Variants in BOLL observed in about 807,000 individuals in gnomAD.
The protein encoded by BOLL is protein boule-like.
In BOLL, 23 loss-of-function variants were observed where a neutral mutation model predicts 44.4. That is an observed-to-expected ratio of 0.52 (90% CI 0.37 to 0.73). The LOEUF (loss-of-function observed/expected upper bound fraction) is 0.73, where lower values mean the gene tolerates loss of function less well. Ranked by LOEUF, BOLL falls within the 30% of genes least tolerant of loss-of-function variation. The probability of loss-of-function intolerance (pLI) is 0.00; values close to 1 mark genes in which losing one functional copy is unlikely to be tolerated. For synonymous variants in BOLL, 97 were observed against 110.8 expected, an observed-to-expected ratio of 0.88 and a Z score of 0.78; for missense variants, 287 against 338.3, an observed-to-expected ratio of 0.85 and a Z score of 1.19.
chr2:197,758,765 A>T (rs146370054), intron 7 of BOLL, among the ~76,000 whole-genome samples: 3 of 152,322 alleles, frequency 2.0e-5, no homozygotes, highest in African/African-American at 4.8e-5. Context: ...CATAATATAT[A>T]ATAAACCACA....
intron 1 of BOLL, among the ~76,000 whole-genome samples, chr2:197,782,816 A>C (rs1306384421): frequency 1.3e-5 from 2 of 152,220 alleles, no homozygotes; most frequent in Non-Finnish European, 2.9e-5. Context: ...TGTCAATTTG[A>C]AGATTGGACT....
Position 197,743,052 on chromosome 2 carries a change from A to G in BOLL, c.828+9T>C, listed in dbSNP as rs1303788558. ...AAAACAAAGTAAAAAGTCAAAACAA[A>G]TTTCTTACTTTAATTGGCTCAGGCT... On this transcript the variant is annotated intron_variant, in intron 10 of 10. Transcript: ENST00000392296. The G allele has an allele frequency of 1.9e-6, 3 of 1,548,610 alleles. No individual in the cohort carries two copies. In the African/African-American group the frequency reaches 4.1e-5, roughly 21 times the overall value.
intron 10 of BOLL, among the ~76,000 whole-genome samples, chr2:197,729,536 G>C (rs1427008476): frequency 2.0e-5 from 3 of 152,162 alleles, no homozygotes; most frequent in Non-Finnish European, 4.4e-5. Flanking sequence ...AAAAAGATCA[G>C]TAACCTCTGC....
chr2:197,773,333 C>G (rs1264412556), intron 5 of BOLL, among the ~76,000 whole-genome samples: 1 of 151,616 alleles, frequency 6.6e-6, no homozygotes, highest in Non-Finnish European at 1.5e-5. Flanking sequence ...TCAGTGCATA[C>G]TATTTCAAGG....
chr2:197,738,684 C>T (rs1203238102), intron 10 of BOLL, among the ~76,000 whole-genome samples: 1 of 152,090 alleles, frequency 6.6e-6, no homozygotes, highest in African/African-American at 2.4e-5. Context: ...AATTAACATT[C>T]ATGAGTTGTA....
At chr2:197,758,993 A>C in intron 7 of BOLL, 1 of 1,535,956 alleles carries the variant, frequency 6.5e-7, no homozygotes, top group Non-Finnish European at 8.7e-7. Flanking sequence ...TTCTTGTATG[A>C]CATTGTTTAA....
intron 7 of BOLL, among the ~76,000 whole-genome samples, chr2:197,763,445 G>GCACACT (rs1213943681): frequency 4.2e-5 from 6 of 141,554 alleles, no homozygotes; most frequent in African/African-American, 1.6e-4. Context: ...TTGCACCACT[G>GCACACT]CACACTCCAG....
intron 9 of BOLL, among the ~76,000 whole-genome samples, chr2:197,746,091 T>G (rs1687976115): frequency 6.6e-6 from 1 of 152,172 alleles, no homozygotes; most frequent in Non-Finnish European, 1.5e-5. Flanking sequence ...AAGTAGCAAT[T>G]GCCACATCCC....
chr2:197,769,669 C>G (rs540060923), intron 6 of BOLL, among the ~76,000 whole-genome samples: 1 of 152,114 alleles, frequency 6.6e-6, no homozygotes, highest in Non-Finnish European at 1.5e-5. Flanking sequence ...GATACAAAAT[C>G]GATGTGCAAA....
chr2:197,729,360 A>G (rs1223973507), intron 10 of BOLL, among the ~76,000 whole-genome samples: 3 of 152,182 alleles, frequency 2.0e-5, no homozygotes, highest in Non-Finnish European at 4.4e-5. Context: ...TCTGAGCTCT[A>G]ACTGCAAGGC....
At chr2:197,781,060 C>T (rs542771816) in intron 2 of BOLL, among the ~76,000 whole-genome samples, 1 of 152,022 alleles carries the variant, frequency 6.6e-6, no homozygotes, top group South Asian at 2.1e-4. Context: ...TCGGGGTACA[C>T]GTGCAGATTT....
chr2:197,753,834 C>T (rs993412585), intron 9 of BOLL, among the ~76,000 whole-genome samples: 1 of 152,130 alleles, frequency 6.6e-6, no homozygotes, highest in African/African-American at 2.4e-5. Flanking sequence ...GACACATGCA[C>T]ATGTATGTTT....
At chr2:197,765,071 A>G (rs1467157355) in intron 7 of BOLL, among the ~76,000 whole-genome samples, 1 of 152,102 alleles carries the variant, frequency 6.6e-6, no homozygotes, top group Non-Finnish European at 1.5e-5. Context: ...AATTACAGCT[A>G]CCTCAGGAAT....
At chr2:197,744,361 CAA>C (rs1453822043) in intron 9 of BOLL, among the ~76,000 whole-genome samples, 2 of 151,948 alleles carry the variant, frequency 1.3e-5, no homozygotes, top group Admixed American at 6.6e-5. Context: ...TAAAGGAAAA[CAA>C]AAGGAGGTAA....
At chr2:197,778,268 T>C (rs1188003146) in intron 3 of BOLL, among the ~76,000 whole-genome samples, 1 of 151,978 alleles carries the variant, frequency 6.6e-6, no homozygotes, top group South Asian at 2.1e-4. Context: ...CCTTTTCTTA[T>C]GCCTATAAAT....
chr2:197,727,695 A>G lies in BOLL; in HGVS notation c.*860T>C, dbSNP rs937049788. ...GGTTTAAGGATTAAAGCATTCAAAG[A>G]ACAGTAATTTGGTGGAATTTCAGTC... On this transcript the variant is annotated 3_prime_UTR_variant, in exon 11 of 11. Coordinates refer to ENST00000392296, the MANE Select transcript of BOLL (RefSeq NM_033030.6). 1.3e-5 allele frequency: 2 copies of G among 152,466 alleles called. No individual in the cohort carries two copies. Among genetic ancestry groups the G allele is most frequent in the Non-Finnish European group, 2.9e-5 (2 of 68,026 alleles). 9.4% of individuals were successfully genotyped at this position (152,466 alleles called of 1,614,324 possible). A position where few individuals can be genotyped will look rare whatever the true frequency, so the allele number is the denominator to read the frequency against.
At chr2:197,748,709 C>A (rs989793983) in intron 9 of BOLL, among the ~76,000 whole-genome samples, 2 of 152,244 alleles carry the variant, frequency 1.3e-5, no homozygotes, top group African/African-American at 4.8e-5. Flanking sequence ...GGCAGGGCAT[C>A]TCTGAAAGAA....
intron 9 of BOLL, 55 bp from the exon 10 acceptor site, chr2:197,743,214 T>A: frequency 7.6e-7 from 1 of 1,317,494 alleles, no homozygotes; most frequent in East Asian, 2.5e-5. Flanking sequence ...ATTCTAAATA[T>A]TTACTCAGCA....
chr2:197,783,125 G>C (rs545143454), intron 1 of BOLL, among the ~76,000 whole-genome samples: 9 of 152,088 alleles, frequency 5.9e-5, no homozygotes, highest in African/African-American at 2.2e-4. Flanking sequence ...ATATCCTAAA[G>C]ACAAACCCCA....
Sources: gnomAD v4.1 joint callset for allele counts (sites outside exome capture counted in the v4.1 genomes callset) on GRCh38, gnomAD v4.1.1 for gene constraint, MANE v1.5 for transcripts, NCBI Gene and HGNC (gene_info 2026-07-23, HGNC 2026-07-21) for gene names.